Variants in NFIA observed in about 807,000 individuals in gnomAD.
NFIA encodes nuclear factor I A.
NFIA carries 8 observed loss-of-function variants against 62.8 expected under a neutral mutation model. That is an observed-to-expected ratio of 0.13 (90% CI 0.07 to 0.23). The LOEUF is 0.23. Ranked by LOEUF, NFIA falls within the 10% of genes least tolerant of loss-of-function variation. The probability of loss-of-function intolerance (pLI) is 1.00; values close to 1 mark genes in which losing one functional copy is unlikely to be tolerated. For synonymous variants in NFIA, 235 were observed against 238.1 expected (o/e 0.99, Z 0.12); for missense variants, 410 against 642.1 (o/e 0.64, Z 3.91).
intron 7 of NFIA, among the ~76,000 whole-genome samples, chr1:61,396,605 C>G (rs952858242): frequency 1.3e-5 from 2 of 152,106 alleles, no homozygotes; most frequent in African/African-American, 4.8e-5. Context: ...CTCCCAATAA[C>G]TAACACGATG....
intron 4 of NFIA, among the ~76,000 whole-genome samples, chr1:61,337,246 A>G (rs1661659943): frequency 6.6e-6 from 1 of 151,644 alleles, no homozygotes; most frequent in Non-Finnish European, 1.5e-5. Flanking sequence ...GGAATCAGGG[A>G]CTCCTGCTGG....
At position 61,280,320 on chromosome 1, in the gene NFIA, G is replaced by T. The variant is rs1389191344; in HGVS notation, c.625+2735G>T. Among the ~76,000 whole-genome samples, 9 of 152,036 alleles carry T rather than the reference G, an allele frequency of 5.9e-5. 1 individual carries two copies. The highest frequency in any genetic ancestry group is 5.9e-4 in the Admixed American group (9 of 15,254). On this transcript the variant is annotated intron_variant, in intron 3 of 10. Transcript: ENST00000403491. Reference sequence around the variant, plus strand: ...GAAGTGTGTGTTTCGTTTTTGTTTTGAAAGAGGGAACTCTCATAGGTGTAT... The same window carrying T: ...GAAGTGTGTGTTTCGTTTTTGTTTTTAAAGAGGGAACTCTCATAGGTGTAT...
At chr1:61,366,729 C>A (rs1663611166) in intron 6 of NFIA, among the ~76,000 whole-genome samples, 1 of 152,058 alleles carries the variant, frequency 6.6e-6, no homozygotes, top group Non-Finnish European at 1.5e-5. Context: ...TTGAGACCTG[C>A]CTGGCCAACA....
At chr1:61,196,940 T>C (rs74090311) in intron 2 of NFIA, among the ~76,000 whole-genome samples, 8,109 of 112,140 alleles carry the variant, frequency 0.072, 315 homozygotes, top group East Asian at 0.14. Flanking sequence ...TGTGTGTGTG[T>C]GCGCGCGCGC....
intron 2 of NFIA, among the ~76,000 whole-genome samples, chr1:61,178,012 T>C (rs923416423): frequency 1.3e-5 from 2 of 152,140 alleles, no homozygotes; most frequent in African/African-American, 2.4e-5. Context: ...TATGGCACCT[T>C]ACAAGAGCTC....
chr1:61,365,584 T>C (rs1389413461), intron 6 of NFIA, among the ~76,000 whole-genome samples: 1 of 152,228 alleles, frequency 6.6e-6, no homozygotes, highest in African/African-American at 2.4e-5. Context: ...TGAAAAGGAA[T>C]GGCTGGTCTT....
At position 61,460,550 on chromosome 1, in the gene NFIA, A is replaced by T. The variant is rs1668488456; in HGVS notation, c.*5230A>T. The T allele has an allele frequency of 6.6e-6, 1 of 152,238 alleles. No homozygotes were observed. Among genetic ancestry groups the T allele is most frequent in the South Asian group, 2.1e-4 (1 of 4,832 alleles). The allele number at this position is 152,238 out of a possible 1,614,324, so 9.4% of individuals were successfully genotyped here. A position where few individuals can be genotyped will look rare whatever the true frequency, so the allele number is the denominator to read the frequency against. On this transcript the variant is annotated 3_prime_UTR_variant, in exon 11 of 11. Transcript: ENST00000403491. Reference sequence around the variant, plus strand: ...TATGCACTAATCTATCTGAAGAAAAAAACTATATCAACTTTGGTATCTACT... The same window carrying T: ...TATGCACTAATCTATCTGAAGAAAATAACTATATCAACTTTGGTATCTACT...
chr1:61,171,466 T>C (rs774748627), intron 2 of NFIA, among the ~76,000 whole-genome samples: 1 of 152,236 alleles, frequency 6.6e-6, no homozygotes, highest in Non-Finnish European at 1.5e-5. Context: ...TTTCTCTGGT[T>C]GAGCCAAGTG....
At chr1:61,332,904 G>A (rs1371578560) in intron 4 of NFIA, among the ~76,000 whole-genome samples, 2 of 152,148 alleles carry the variant, frequency 1.3e-5, no homozygotes, top group Non-Finnish European at 2.9e-5. Context: ...CCCTCAGTAT[G>A]AGTGACACAG....
At chr1:61,235,386 C>T (rs1314836962) in intron 2 of NFIA, among the ~76,000 whole-genome samples, 1 of 151,612 alleles carries the variant, frequency 6.6e-6, no homozygotes. Context: ...TGGCGTGAAC[C>T]CGGGAGGCGG....
chr1:61,165,413 T>C (rs1361208956), intron 2 of NFIA, among the ~76,000 whole-genome samples: 1 of 152,224 alleles, frequency 6.6e-6, no homozygotes, highest in Non-Finnish European at 1.5e-5. Flanking sequence ...AAGTATATTC[T>C]ATATGCATGT....
At chr1:61,382,186 A>G (rs1664453294) in intron 6 of NFIA, among the ~76,000 whole-genome samples, 5 of 152,042 alleles carry the variant, frequency 3.3e-5, no homozygotes, top group Admixed American at 3.3e-4. Context: ...CCAAATTTTC[A>G]TTGTTTTAAT....
intron 10 of NFIA, among the ~76,000 whole-genome samples, chr1:61,447,522 C>A (rs1466049016): frequency 6.6e-6 from 1 of 152,200 alleles, no homozygotes. Flanking sequence ...GCATTTTCCG[C>A]AGCAGAGCCA....
At position 61,462,053 on chromosome 1, in the gene NFIA, T is replaced by C. The variant is rs577377151; in HGVS notation, c.*6733T>C. The C allele has an allele frequency of 2.0e-4, 30 of 150,376 alleles. No individual in the cohort carries two copies. The highest frequency in any genetic ancestry group is 7.9e-4 in the Admixed American group (12 of 15,144). The allele number at this position is 150,376 out of a possible 1,614,324, so 9.3% of individuals were successfully genotyped here. ...TTTTTTTTTTTTTTTGGCTTTTTTT[T>C]TTGTTTGTTTTTTTTTCTTTTGACA... On this transcript the variant is annotated 3_prime_UTR_variant, in exon 11 of 11. Transcript: ENST00000403491.
At chr1:61,195,639 AT>A (rs528805897) in intron 2 of NFIA, among the ~76,000 whole-genome samples, 1 of 152,122 alleles carries the variant, frequency 6.6e-6, no homozygotes, top group Non-Finnish European at 1.5e-5. Context: ...AGATTTATAA[AT>A]TTTTTTATCC....
Position 61,088,135 on chromosome 1 carries a change from G to T in NFIA, c.28-14G>T, listed in dbSNP as rs1202141976. 2 of 1,566,928 alleles carry T rather than the reference G, an allele frequency of 1.3e-6. No individual in the cohort carries two copies. Among genetic ancestry groups the T allele is most frequent in the Admixed American group, 4.1e-5 (2 of 48,502 alleles). On this transcript the variant is annotated splice_polypyrimidine_tract_variant and intron_variant, in intron 1 of 10. Transcript: ENST00000403491. The surrounding 1 kb of genome is among the most constrained non-coding windows in gnomAD (Gnocchi z 4.5). The stretch of plus-strand genomic sequence containing the variant: ...TCATTCTACTTATATTTTTCTTTTT[G>T]TTCATTTTCCTAGGATGAATTTCAT...
At chr1:61,402,689 G>T (rs916769726) in intron 7 of NFIA, among the ~76,000 whole-genome samples, 2 of 152,172 alleles carry the variant, frequency 1.3e-5, no homozygotes, top group African/African-American at 4.8e-5. Flanking sequence ...TGTTTCTTGA[G>T]CCCATAGTAG....
intron 2 of NFIA, chr1:61,132,638 A>G (rs1647101223): frequency 6.6e-6 from 1 of 152,198 alleles, no homozygotes; most frequent in South Asian, 2.1e-4. Context: ...ACAATTAAGG[A>G]GAAAAGGGAT....
At chr1:61,217,418 A>C (rs1653702462) in intron 2 of NFIA, among the ~76,000 whole-genome samples, 1 of 152,142 alleles carries the variant, frequency 6.6e-6, no homozygotes, top group Non-Finnish European at 1.5e-5. Flanking sequence ...ATTAATGTAC[A>C]TAATTATGCC....
Sources: gnomAD v4.1 joint callset for allele counts (sites outside exome capture counted in the v4.1 genomes callset) on GRCh38, gnomAD v4.1.1 for gene constraint, Gnocchi (gnomAD v3.1) non-coding constraint, MANE v1.5 for transcripts, NCBI Gene and HGNC (gene_info 2026-07-23, HGNC 2026-07-21) for gene names.